The following SLC37A1 variants were observed in gnomAD, a reference collection of about 807,000 sequenced individuals.
SLC37A1 encodes the protein glucose-6-phosphate exchanger SLC37A1.
A neutral mutation model predicts 75.3 loss-of-function variants in SLC37A1; 49 were observed. The observed-to-expected ratio is 0.65, with a 90% CI of 0.52 to 0.83. The LOEUF (loss-of-function observed/expected upper bound fraction) is 0.83, where lower values mean the gene tolerates loss of function less well. Among genes scored for constraint, SLC37A1 ranks in the 40% least tolerant of loss-of-function variants. The pLI is 0.00. For missense variants in SLC37A1, 566 were observed against 695.0 expected (o/e 0.81, Z 2.09); for synonymous variants, 268 against 292.1 (o/e 0.92, Z 0.84).
intron 18 of SLC37A1, among the ~76,000 whole-genome samples, chr21:42,576,598 T>G (rs1187680107): frequency 6.6e-6 from 1 of 152,054 alleles, no homozygotes; most frequent in Non-Finnish European, 1.5e-5. Flanking sequence ...AAAAGAGTTA[T>G]GTAAACTAAA....
chr21:42,532,053 T>C (rs2054998092), intron 3 of SLC37A1, among the ~76,000 whole-genome samples: 1 of 152,160 alleles, frequency 6.6e-6, no homozygotes, highest in African/African-American at 2.4e-5. Context: ...GGCATTGTCA[T>C]GCCAACTCCA....
Position 42,562,933 on chromosome 21 carries a change from G to C in SLC37A1, c.1072+765G>C, listed in dbSNP as rs228100. On this transcript the variant is annotated intron_variant, in intron 12 of 19. Coordinates refer to ENST00000352133, the MANE Select transcript of SLC37A1 (RefSeq NM_001320537.2). The stretch of plus-strand genomic sequence containing the variant: ...CTTTGAGAATGGGGGAGGCTGAGGA[G>C]CACAGACCACCTATTCTGGGGATGC... Among the ~76,000 whole-genome samples, 24 of 151,978 alleles carry C rather than the reference G, an allele frequency of 1.6e-4. 1 individual carries two copies. Among genetic ancestry groups the C allele is most frequent in the African/African-American group, 5.6e-4 (23 of 41,430 alleles).
At position 42,530,649 on chromosome 21, in the gene SLC37A1, CA is replaced by C. The variant is rs1473000320; in HGVS notation, c.139-4048del. Among the ~76,000 whole-genome samples the C allele has an allele frequency of 7.6e-3, 241 of 31,586 alleles. 2 individuals are homozygous for C. The highest frequency in any genetic ancestry group is 0.017 in the Admixed American group (35 of 2,048). 20.7% of individuals were successfully genotyped at this position (31,586 alleles called of 152,430 possible). On this transcript the variant is annotated intron_variant, in intron 3 of 19. Transcript: ENST00000352133. ...ACACACACACACACACACACACACA[CA>C]CACACCCCCTCTGTGTTGGCTGAAG...
At position 42,539,717 on chromosome 21, in the gene SLC37A1, A is replaced by G. The variant is rs546294436; in HGVS notation, c.486+70A>G. The G allele has an allele frequency of 4.7e-6, 7 of 1,481,884 alleles. No homozygotes were observed. The South Asian group carries it at 7.9e-5, about 17-fold the overall frequency. 91.8% of individuals were successfully genotyped at this position (1,481,884 alleles called of 1,614,324 possible). A position where few individuals can be genotyped will look rare whatever the true frequency, so the allele number is the denominator to read the frequency against. The stretch of plus-strand genomic sequence containing the variant: ...GTGAATAGGGTGGAGTGTTTATGTC[A>G]CGTCACCTCTGTCAAGGTGTTGGGA... On this transcript the variant is annotated intron_variant, in intron 6 of 19. Transcript: ENST00000352133.
intron 9 of SLC37A1, among the ~76,000 whole-genome samples, chr21:42,549,227 C>G (rs532839987): frequency 1.1e-4 from 17 of 152,310 alleles, no homozygotes; most frequent in African/African-American, 4.1e-4. Flanking sequence ...GAGCTTTTCT[C>G]ACCCAGGGGC....
Position 42,539,495 on chromosome 21 carries a change from C to T in SLC37A1, c.351-17C>T. The T allele has an allele frequency of 1.9e-6, 3 of 1,600,648 alleles. No homozygotes were observed. The highest frequency in any genetic ancestry group is 2.6e-6 in the Non-Finnish European group (3 of 1,174,634). ...GTGTTTGTTATTCCTATTTGTCTTT[C>T]CTTCTCTCCACCTCAGTGGCATCAT... On this transcript the variant is annotated splice_polypyrimidine_tract_variant and intron_variant, in intron 5 of 19. Coordinates refer to ENST00000352133, the MANE Select transcript of SLC37A1 (RefSeq NM_001320537.2).
In SLC37A1 at chr21:42,535,519, C is replaced by T. The variant is rs2055114406; in HGVS notation, c.319C>T (p.Leu107=). The T allele has an allele frequency of 6.2e-7, 1 of 1,614,226 alleles. No individual in the cohort carries two copies. Among genetic ancestry groups the T allele is most frequent in the Non-Finnish European group, 8.5e-7 (1 of 1,180,034 alleles). ...GCTTGGGGCCCTGGACTACTCCTTC[C>T]TGTGCGCCTATGCCGTGGGGATGTA... is the stretch of plus-strand genomic sequence containing the variant. ...QLLGALDYSF[L]CAYAVGMYLS... Residue 107 remains leucine, a synonymous_variant, in exon 5 of 20, where the codon CTG becomes TTG. Coordinates refer to ENST00000352133, the MANE Select transcript of SLC37A1 (RefSeq NM_001320537.2).
In SLC37A1 at chr21:42,539,558, G is replaced by C; in HGVS notation, c.397G>C (p.Gly133Arg). Residue 133 changes from glycine (G) to arginine (R), a missense_variant, in exon 6 of 20, where the codon GGG becomes CGG. Transcript: ENST00000352133. Reference sequence around the variant, plus strand: ...GCCGATTAGGTATTACCTAACTTTCGGGATGCTCGCCAGCGGAGCCTTCAC... The same window carrying C: ...GCCGATTAGGTATTACCTAACTTTCCGGATGCTCGCCAGCGGAGCCTTCAC... The part of the protein sequence containing the change: ...RLPIRYYLTF[G>R]MLASGAFTAL... 6.2e-7 allele frequency: 1 copy of C among 1,613,944 alleles called. No homozygotes were observed. Among genetic ancestry groups the C allele is most frequent in the Non-Finnish European group, 8.5e-7 (1 of 1,179,942 alleles).
chr21:42,540,023 T>G (rs1394411555), intron 6 of SLC37A1, among the ~76,000 whole-genome samples: 1 of 151,420 alleles, frequency 6.6e-6, no homozygotes, highest in Non-Finnish European at 1.5e-5. Flanking sequence ...AAGCCCCAGC[T>G]GCAGTCACCC....
chr21:42,526,280 G>T (rs1039312011), intron 3 of SLC37A1, among the ~76,000 whole-genome samples: 1 of 152,210 alleles, frequency 6.6e-6, no homozygotes, highest in Non-Finnish European at 1.5e-5. Flanking sequence ...GGGTGGGCAG[G>T]AAGTTGTTAA....
At position 42,580,537 on chromosome 21, in the gene SLC37A1, C is replaced by T. The variant is rs954379323; in HGVS notation, c.*177C>T. ...ACCCCTGGTGCTATTTTAAAGGAGA[C>T]ATATTGCTGAACAGCAGTGAGAAAA... On this transcript the variant is annotated 3_prime_UTR_variant, in exon 20 of 20. Transcript: ENST00000352133. 17 of 660,964 alleles carry T rather than the reference C, an allele frequency of 2.6e-5. No homozygotes were observed. The African/African-American group carries it at 3.1e-4, about 12-fold the overall frequency. 40.9% of individuals were successfully genotyped at this position (660,964 alleles called of 1,614,324 possible). A position where few individuals can be genotyped will look rare whatever the true frequency, so the allele number is the denominator to read the frequency against.
chr21:42,566,940 C>T (rs2055994190), intron 15 of SLC37A1, 45 bp from the exon 16 acceptor site: 2 of 1,583,344 alleles, frequency 1.3e-6, no homozygotes, highest in African/African-American at 1.3e-5. Flanking sequence ...ATGCGGGGCT[C>T]TCTGGAGGGC....
chr21:42,543,128 A>T (rs1203779817), intron 7 of SLC37A1, among the ~76,000 whole-genome samples: 1 of 152,222 alleles, frequency 6.6e-6, no homozygotes, highest in African/African-American at 2.4e-5. Context: ...GTATTAATTG[A>T]TTGTAGAGGC....
rs1458703813 is a variant in SLC37A1 at position 42,562,080 on chromosome 21, C to T, written c.984C>T (p.Gly328=). The T allele has an allele frequency of 1.3e-5, 21 of 1,613,928 alleles. 1 individual carries two copies. The highest frequency in any genetic ancestry group is 3.3e-5 in the South Asian group (3 of 91,072). Residue 328 remains glycine, a splice_region_variant and synonymous_variant, in exon 12 of 20, where the codon GGC becomes GGT. Coordinates refer to ENST00000352133, the MANE Select transcript of SLC37A1 (RefSeq NM_001320537.2). The part of the protein sequence containing the change: ...ISFTGALKIP[G]VIEFSLCLLF... ...CGCCTGACTGCTCTCTCTTTCAGGG[C>T]GTGATAGAGTTCTCACTGTGTCTGC...
intron 2 of SLC37A1, among the ~76,000 whole-genome samples, chr21:42,524,514 G>A (rs907924070): frequency 3.3e-5 from 5 of 152,194 alleles, no homozygotes; most frequent in Admixed American, 6.5e-5. Context: ...TTTGAGGGCC[G>A]TGAAATATTT....
chr21:42,551,637 A>G (rs2055559690), intron 9 of SLC37A1, among the ~76,000 whole-genome samples: 1 of 152,202 alleles, frequency 6.6e-6, no homozygotes, highest in African/African-American at 2.4e-5. Context: ...TAAAATCTAT[A>G]ATCCTTTCTA....
Position 42,531,751 on chromosome 21 carries a change from G to A in SLC37A1, c.139-2947G>A, listed in dbSNP as rs574271095. On this transcript the variant is annotated intron_variant, in intron 3 of 19. Transcript: ENST00000352133. ...ATTGTCTCTGGAACGCCACGTTTGG[G>A]GGATAAAACTCATAGAAATACTGAA... Among the ~76,000 whole-genome samples, 24 of 152,194 alleles carry A rather than the reference G, an allele frequency of 1.6e-4. No homozygotes were observed. In the South Asian group the frequency reaches 4.6e-3, roughly 29 times the overall value.
In SLC37A1 at chr21:42,559,051, A is replaced by T; in HGVS notation, c.943A>T (p.Thr315Ser). ...TCTCCCCGGGGACGGTGGGAGTGGC[A>T]CGGCCGCCATCAGCTTCACAGGGGC... ...VILPGDGGSG[T>S]AAISFTGALK... Residue 315 changes from threonine to serine, a missense_variant, in exon 11 of 20, where the codon ACG becomes TCG. Physicochemically the swap from Thr to Ser is moderately conservative, Grantham distance 58. Transcript: ENST00000352133. 1 of 1,613,334 alleles carries T rather than the reference A, an allele frequency of 6.2e-7. No homozygotes were observed. Among genetic ancestry groups the T allele is most frequent in the Non-Finnish European group, 8.5e-7 (1 of 1,179,750 alleles).
chr21:42,512,420 G>C (rs2054445377), upstream of SLC37A1, among the ~76,000 whole-genome samples: 1 of 152,214 alleles, frequency 6.6e-6, no homozygotes, highest in South Asian at 2.1e-4. Flanking sequence ...TGGATTGCAG[G>C]AGGTAGAACT....
Sources: allele counts gnomAD v4.1 joint callset (sites outside exome capture counted in the v4.1 genomes callset), GRCh38; gene constraint gnomAD v4.1.1; transcripts MANE v1.5; gene names NCBI Gene and HGNC (gene_info 2026-07-23, HGNC 2026-07-21).